The following TP63 variants were observed in gnomAD, a reference collection of about 807,000 sequenced individuals.
TP63 encodes tumor protein p63, also known as tumor protein 63.
In TP63, 17 loss-of-function variants were observed where a neutral mutation model predicts 82.8. That is an observed-to-expected ratio of 0.21 (90% confidence interval 0.14 to 0.31). The LOEUF (loss-of-function observed/expected upper bound fraction) is 0.31, where lower values mean the gene tolerates loss of function less well. Ranked by LOEUF, TP63 falls within the 10% of genes least tolerant of loss-of-function variation. The probability of loss-of-function intolerance (pLI) is 1.00; values close to 1 mark genes in which losing one functional copy is unlikely to be tolerated. For synonymous variants in TP63, 330 were observed against 321.7 expected, an observed-to-expected ratio of 1.03 and a Z score of -0.28; for missense variants, 648 against 895.3, an observed-to-expected ratio of 0.72 and a Z score of 3.52.
intron 3 of TP63, among the ~76,000 whole-genome samples, chr3:189,805,484 G>A (rs1291502714): frequency 6.6e-6 from 1 of 152,208 alleles, no homozygotes; most frequent in African/African-American, 2.4e-5. Flanking sequence ...AGTTAGTCAG[G>A]TAAGTTTTAT....
chr3:189,873,197 T>C, intron 10 of TP63: 1 of 696,272 alleles, frequency 1.4e-6, no homozygotes, highest in South Asian at 1.8e-5. Flanking sequence ...AGAATTCCAC[T>C]TATGTTCTGA....
At chr3:189,872,370 T>TTA (rs1718526797) in intron 9 of TP63, among the ~76,000 whole-genome samples, 1 of 150,892 alleles carries the variant, frequency 6.6e-6, no homozygotes, top group Admixed American at 6.6e-5. Context: ...CCAATTAGCC[T>TTA]TATAACTCAT....
intron 3 of TP63, among the ~76,000 whole-genome samples, chr3:189,796,148 T>C (rs530728349): frequency 6.6e-6 from 1 of 151,892 alleles, no homozygotes; most frequent in Non-Finnish European, 1.5e-5. Flanking sequence ...AGCTGGGAAA[T>C]AAATAACAGA....
intron 12 of TP63, 68 bp downstream of exon 12, chr3:189,889,552 G>A (rs1720808065): frequency 1.2e-6 from 2 of 1,605,138 alleles, no homozygotes; most frequent in Non-Finnish European, 1.7e-6. Context: ...GGCGGATACT[G>A]TTATAGTCCA....
At chr3:189,815,854 A>T (rs1356713816) in intron 4 of TP63, among the ~76,000 whole-genome samples, 1 of 152,196 alleles carries the variant, frequency 6.6e-6, no homozygotes, top group Non-Finnish European at 1.5e-5. Flanking sequence ...AGTCATATAG[A>T]TTAATCTCTT....
intron 10 of TP63, among the ~76,000 whole-genome samples, chr3:189,875,528 T>TGCAC (rs138970478): frequency 0.13 from 18,780 of 142,486 alleles, 1,621 homozygotes; most frequent in South Asian, 0.2. Context: ...ATTGTGCCAC[T>TGCAC]GCACTCCAGC....
intron 1 of TP63, among the ~76,000 whole-genome samples, chr3:189,701,438 C>A (rs1426301606): frequency 6.6e-6 from 1 of 150,780 alleles, no homozygotes; most frequent in African/African-American, 2.4e-5. Context: ...CAAAGTCCAA[C>A]TGAATATGAG....
rs866530187 is a variant in TP63 at position 189,759,291 on chromosome 3, A to G, written c.324+20517A>G. Among the ~76,000 whole-genome samples, 14 of 152,312 alleles carry G rather than the reference A, an allele frequency of 9.2e-5. No homozygotes were observed. In the Middle Eastern group the frequency reaches 0.014, roughly 148 times the overall value. ...GTGGTGATCTTTCTATAAGCCCTCC[A>G]GGTGATTCAGATGTTTGAGAACCAG... On this transcript the variant is annotated intron_variant, in intron 3 of 13. Coordinates refer to ENST00000264731, the MANE Select transcript of TP63 (RefSeq NM_003722.5).
chr3:189,761,497 A>C (rs2108539059), intron 3 of TP63, among the ~76,000 whole-genome samples: 1 of 142,478 alleles, frequency 7.0e-6, no homozygotes, highest in South Asian at 2.3e-4. Flanking sequence ...CCTCATCTCC[A>C]CCTGTGACCA....
intron 1 of TP63, among the ~76,000 whole-genome samples, chr3:189,679,305 T>A (rs1027347147): frequency 1.4e-4 from 21 of 152,230 alleles, no homozygotes; most frequent in Middle Eastern, 3.4e-3. Context: ...TTTTTTTGTA[T>A]TTTTTATAAT....
At chr3:189,682,380 T>C (rs1715990327) in intron 1 of TP63, among the ~76,000 whole-genome samples, 1 of 149,196 alleles carries the variant, frequency 6.7e-6, no homozygotes, top group African/African-American at 2.5e-5. Flanking sequence ...TACTACTTAG[T>C]GTTGAGAAGT....
At chr3:189,847,631 C>T (rs1392318742) in intron 4 of TP63, among the ~76,000 whole-genome samples, 1 of 152,218 alleles carries the variant, frequency 6.6e-6, no homozygotes, top group African/African-American at 2.4e-5. Flanking sequence ...CAAAGAGCCA[C>T]AGTTGCACTG....
intron 1 of TP63, among the ~76,000 whole-genome samples, chr3:189,686,736 T>G (rs1166467282): frequency 2.0e-5 from 3 of 148,968 alleles, no homozygotes; most frequent in Admixed American, 6.6e-5. Flanking sequence ...GCAGGGTTTT[T>G]TTTTTTTTTT....
intron 3 of TP63, among the ~76,000 whole-genome samples, chr3:189,780,771 C>T (rs1353540254): frequency 6.6e-6 from 1 of 152,168 alleles, no homozygotes; most frequent in Non-Finnish European, 1.5e-5. Context: ...GCTGCTTCCC[C>T]AGTTTTAAGA....
In TP63 at chr3:189,635,887, G is replaced by A. The variant is rs569339867; in HGVS notation, c.62+4310G>A. 5.3e-5 allele frequency among the ~76,000 whole-genome samples: 8 copies of A among 152,038 alleles called. No homozygotes were observed. The South Asian group carries it at 1.5e-3, about 28-fold the overall frequency. ...GAAGACTTCCAAAATAATTGATATA[G>A]TAATTAATAATATAATTTTTGATAT... On this transcript the variant is annotated intron_variant, in intron 1 of 13. Transcript: ENST00000264731.
chr3:189,755,496 A>G (rs1055055254), intron 3 of TP63, among the ~76,000 whole-genome samples: 10 of 152,132 alleles, frequency 6.6e-5, no homozygotes. Context: ...TTCATTCTAT[A>G]GCAAACATTT....
At chr3:189,751,548 A>G (rs1721822093) in intron 3 of TP63, among the ~76,000 whole-genome samples, 1 of 152,022 alleles carries the variant, frequency 6.6e-6, no homozygotes, top group Non-Finnish European at 1.5e-5. Flanking sequence ...TGTGGTTTTG[A>G]TTTGCATTTC....
intron 4 of TP63, among the ~76,000 whole-genome samples, chr3:189,819,215 C>T (rs920639781): frequency 2.0e-5 from 3 of 151,928 alleles, no homozygotes; most frequent in African/African-American, 4.8e-5. Flanking sequence ...AAGATAGTAA[C>T]CTCTTTCTGC....
At chr3:189,684,105 A>G (rs529311230) in intron 1 of TP63, among the ~76,000 whole-genome samples, 9 of 152,186 alleles carry the variant, frequency 5.9e-5, no homozygotes, top group Non-Finnish European at 1.3e-4. Context: ...TTCTGTACAA[A>G]TATAACAACA....
Sources: allele counts gnomAD v4.1 joint callset (sites outside exome capture counted in the v4.1 genomes callset), GRCh38; gene constraint gnomAD v4.1.1; transcripts MANE v1.5; gene names NCBI Gene and HGNC (gene_info 2026-07-23, HGNC 2026-07-21).